Variants in ZDHHC13 observed in about 807,000 individuals in gnomAD.
ZDHHC13 encodes zDHHC palmitoyltransferase 13.
ZDHHC13 carries 85 observed loss-of-function variants against 86.0 expected under a neutral mutation model. The observed-to-expected ratio is 0.99, with a 90% CI of 0.83 to 1.18. ZDHHC13 has a LOEUF of 1.18. ZDHHC13 is among the 50% of genes most tolerant of loss of function. The pLI is 0.00. For synonymous variants in ZDHHC13, 263 were observed against 246.4 expected (o/e 1.07, Z -0.63); for missense variants, 711 against 730.2 (o/e 0.97, Z 0.30).
chr11:19,122,411 AT>A (rs537872051), intron 1 of ZDHHC13, among the ~76,000 whole-genome samples: 58 of 151,538 alleles, frequency 3.8e-4, no homozygotes, highest in Non-Finnish European at 7.2e-4. Context: ...GCTTGTGCTT[AT>A]TATTATTATT....
chr11:19,164,085 T>C (rs905728726), intron 11 of ZDHHC13, among the ~76,000 whole-genome samples: 1 of 152,116 alleles, frequency 6.6e-6, no homozygotes, highest in South Asian at 2.1e-4. Flanking sequence ...GGTGGGGTGG[T>C]ATAATTTTTA....
chr11:19,131,557 C>T (rs1849000662), intron 1 of ZDHHC13, among the ~76,000 whole-genome samples: 1 of 152,100 alleles, frequency 6.6e-6, no homozygotes, highest in Admixed American at 6.6e-5. Context: ...GTTGTTTCTT[C>T]AATTTAAATG....
chr11:19,126,973 C>T (rs935509689), intron 1 of ZDHHC13, among the ~76,000 whole-genome samples: 69 of 152,244 alleles, frequency 4.5e-4, no homozygotes, highest in African/African-American at 1.3e-3. Flanking sequence ...TGGGTATATA[C>T]CCAGTAATGG....
chr11:19,141,431 G>A lies in ZDHHC13; in HGVS notation c.28-1547G>A, dbSNP rs1463149836. On this transcript the variant is annotated intron_variant, in intron 1 of 16. Coordinates refer to ENST00000446113, the MANE Select transcript of ZDHHC13 (RefSeq NM_019028.3). ...CAAGTAAAACTAAGTCTTTGTTTAG[G>A]GGTATTAAAGTGATTTAGTGAGCAT... is the stretch of plus-strand genomic sequence containing the variant. Among the ~76,000 whole-genome samples, 3 of 152,064 alleles carry A rather than the reference G, an allele frequency of 2.0e-5. No individual in the cohort carries two copies. In the East Asian group the frequency reaches 5.8e-4, roughly 29 times the overall value.
At chr11:19,174,607 A>G (rs1850309899) in intron 16 of ZDHHC13, among the ~76,000 whole-genome samples, 1 of 152,250 alleles carries the variant, frequency 6.6e-6, no homozygotes, top group Admixed American at 6.5e-5. Context: ...GATAGAGCAT[A>G]TGCGTAAAAA....
chr11:19,144,459 G>GTGTGTGTT (rs1252330516), intron 2 of ZDHHC13, among the ~76,000 whole-genome samples: 1 of 150,236 alleles, frequency 6.7e-6, no homozygotes, highest in Non-Finnish European at 1.5e-5. Context: ...GTGTGTGTGT[G>GTGTGTGTT]TGTGTGTTTT....
chr11:19,146,402 C>A (rs1408164166), intron 3 of ZDHHC13, 99 bp downstream of exon 3: 7 of 1,356,106 alleles, frequency 5.2e-6, no homozygotes, highest in Non-Finnish European at 5.8e-6. Flanking sequence ...ATGTGTAATC[C>A]TCGTGTAAAA....
At chr11:19,172,610 T>A in intron 15 of ZDHHC13, 113 bp from the exon 16 acceptor site, 1 of 732,940 alleles carries the variant, frequency 1.4e-6, no homozygotes, top group Non-Finnish European at 2.1e-6. Context: ...TTCAAGGAGA[T>A]ACTAAGGAGA....
At chr11:19,135,132 G>A (rs570880434) in intron 1 of ZDHHC13, among the ~76,000 whole-genome samples, 1 of 152,342 alleles carries the variant, frequency 6.6e-6, no homozygotes, top group Admixed American at 6.5e-5. Context: ...GCAGAAGACG[G>A]GTGATTTCTG....
chr11:19,139,713 A>G (rs991247802), intron 1 of ZDHHC13, among the ~76,000 whole-genome samples: 1 of 149,696 alleles, frequency 6.7e-6, no homozygotes, highest in Non-Finnish European at 1.5e-5. Flanking sequence ...GTACCAAAAC[A>G]GAGATATAGA....
chr11:19,166,219 A>C, intron 13 of ZDHHC13, 83 bp from the exon 14 acceptor site: 1 of 1,102,280 alleles, frequency 9.1e-7, no homozygotes, highest in Non-Finnish European at 1.3e-6. Flanking sequence ...AAGACTTTTG[A>C]CAGGAAAGTG....
Position 19,117,426 on chromosome 11 carries a change from C to G in ZDHHC13, c.27+150C>G. 1.2e-6 allele frequency: 1 copy of G among 808,134 alleles called. No homozygotes were observed. The highest frequency in any genetic ancestry group is 1.8e-6 in the Non-Finnish European group (1 of 555,816). The allele number at this position is 808,134 out of a possible 1,614,324, so 50.1% of individuals were successfully genotyped here. On this transcript the variant is annotated intron_variant, in intron 1 of 16. Transcript: ENST00000446113. The surrounding 1 kb of genome is among the most constrained non-coding windows in gnomAD (Gnocchi z 4.2). The stretch of plus-strand genomic sequence containing the variant: ...GGGAAGCGGGAGCCTGGAAACACCA[C>G]GAACGATGCTGGAAATTGTCTCTGA...
At chr11:19,174,929 G>A (rs1039987338) in intron 16 of ZDHHC13, among the ~76,000 whole-genome samples, 3 of 152,194 alleles carry the variant, frequency 2.0e-5, no homozygotes, top group African/African-American at 7.2e-5. Flanking sequence ...ATACAAAGAG[G>A]AGGAATGTTT....
In ZDHHC13 at chr11:19,170,584, C is replaced by T. The variant is rs1348508606; in HGVS notation, c.1632+16C>T. 6.6e-7 allele frequency: 1 copy of T among 1,505,894 alleles called. No individual in the cohort carries two copies. The highest frequency in any genetic ancestry group is 2.7e-5 in the Admixed American group (1 of 36,636). 93.3% of individuals were successfully genotyped at this position (1,505,894 alleles called of 1,614,324 possible). A position where few individuals can be genotyped will look rare whatever the true frequency, so the allele number is the denominator to read the frequency against. On this transcript the variant is annotated intron_variant, in intron 15 of 16. Coordinates refer to ENST00000446113, the MANE Select transcript of ZDHHC13 (RefSeq NM_019028.3). ...ACTCTTTCAGGTATTTATTTCTCTT[C>T]TTATAATGGCTTTGAGTAAAATTTC...
intron 5 of ZDHHC13, 142 bp downstream of exon 5, chr11:19,149,473 C>A: frequency 1.2e-6 from 1 of 857,362 alleles, no homozygotes; most frequent in Non-Finnish European, 1.6e-6. Context: ...GTACGTTTAG[C>A]CATTGAATAC....
chr11:19,170,375 C>CTT (rs55637113), intron 14 of ZDHHC13, 36 bp from the exon 15 acceptor site: 28,713 of 1,189,532 alleles, frequency 0.024, 77 homozygotes, highest in South Asian at 0.053. Context: ...AGTTTATTGC[C>CTT]TTTTTTTTTT....
chr11:19,176,100 G>T lies in ZDHHC13; in HGVS notation c.*140G>T. Reference sequence around the variant, plus strand: ...TTTTTAAAGCCATTAGGTAAAAAAAGTTCTCAATAAAGGCATTACAATTTT... The same window carrying T: ...TTTTTAAAGCCATTAGGTAAAAAAATTTCTCAATAAAGGCATTACAATTTT... On this transcript the variant is annotated 3_prime_UTR_variant, in exon 17 of 17. Transcript: ENST00000446113. 1 of 937,408 alleles carries T rather than the reference G, an allele frequency of 1.1e-6. No individual in the cohort carries two copies. Among genetic ancestry groups the T allele is most frequent in the South Asian group, 3.0e-5 (1 of 33,560 alleles). 58.1% of individuals were successfully genotyped at this position (937,408 alleles called of 1,614,324 possible).
chr11:19,117,341 G>T lies in ZDHHC13; in HGVS notation c.27+65G>T. 1.4e-6 allele frequency: 2 copies of T among 1,416,556 alleles called. 1 individual carries two copies. Among genetic ancestry groups the T allele is most frequent in the South Asian group, 2.9e-5 (2 of 69,622 alleles). The allele number at this position is 1,416,556 out of a possible 1,614,324, so 87.7% of individuals were successfully genotyped here. ...GAGCGGCTGCAGCTGTGGAGGAAAG[G>T]ATGGTGTGGGTGAGAGGCCGCTCGA... is the stretch of plus-strand genomic sequence containing the variant. On this transcript the variant is annotated intron_variant, in intron 1 of 16. Transcript: ENST00000446113. This position sits in a 1 kb window ranked among gnomAD's most constrained non-coding sequence, Gnocchi z 4.2.
intron 1 of ZDHHC13, among the ~76,000 whole-genome samples, chr11:19,128,360 G>T (rs1373878059): frequency 6.6e-6 from 1 of 152,048 alleles, no homozygotes; most frequent in Non-Finnish European, 1.5e-5. Context: ...CAATACTATA[G>T]GGTTTTCTAG....
Sources: gnomAD v4.1 joint callset for allele counts (sites outside exome capture counted in the v4.1 genomes callset) on GRCh38, gnomAD v4.1.1 for gene constraint, Gnocchi (gnomAD v3.1) non-coding constraint, MANE v1.5 for transcripts, NCBI Gene and HGNC (gene_info 2026-07-23, HGNC 2026-07-21) for gene names.